The following AKAP13 variants were observed in gnomAD, a reference collection of about 807,000 sequenced individuals.
AKAP13 encodes A-kinase anchor protein 13.
Under a neutral mutation model 264.5 loss-of-function variants are expected in AKAP13, and 80 were observed. That is an observed-to-expected ratio of 0.30 (90% CI 0.25 to 0.36). The LOEUF (loss-of-function observed/expected upper bound fraction) is 0.36. Ranked by LOEUF, AKAP13 falls within the 10% of genes least tolerant of loss-of-function variation. The probability of loss-of-function intolerance (pLI) is 1.00; values close to 1 mark genes in which losing one functional copy is unlikely to be tolerated. For missense variants in AKAP13, 3,712 were observed against 3,435.2 expected, an observed-to-expected ratio of 1.08 and a Z score of -2.01; for synonymous variants, 1,380 against 1,250.2, an observed-to-expected ratio of 1.10 and a Z score of -2.19.
chr15:85,613,693 T>A (rs199852010), intron 8 of AKAP13, among the ~76,000 whole-genome samples: 1,276 of 71,926 alleles, frequency 0.018, 27 homozygotes, highest in South Asian at 0.034. Context: ...AAAAAAAAAA[T>A]ATATATATAT....
chr15:85,671,543 G>A lies in AKAP13; in HGVS notation c.5101+1713G>A, dbSNP rs1011868063. ...TTAATATTTCAAATACAAATCTAGCGTATTTGACAAAAGGTGTCTAACGGA... is the reference window on the plus strand; with the variant it reads ...TTAATATTTCAAATACAAATCTAGCATATTTGACAAAAGGTGTCTAACGGA... On this transcript the variant is annotated intron_variant, in intron 14 of 36. Coordinates refer to ENST00000394518, the MANE Select transcript of AKAP13 (RefSeq NM_007200.5). Among the ~76,000 whole-genome samples, 61 of 151,118 alleles carry A rather than the reference G, an allele frequency of 4.0e-4. 1 individual carries two copies. Among genetic ancestry groups the A allele is most frequent in the Admixed American group, 3.9e-3 (59 of 15,154 alleles).
At chr15:85,723,443 A>C in intron 26 of AKAP13, 123 bp downstream of exon 26, 1 of 1,334,416 alleles carries the variant, frequency 7.5e-7, no homozygotes, top group Non-Finnish European at 1.0e-6. Context: ...AACACTACCC[A>C]GGAGCAACAA....
chr15:85,412,202 C>A lies in AKAP13; in HGVS notation c.-12+31404C>A, dbSNP rs117472965. The stretch of plus-strand genomic sequence containing the variant: ...TACAAAACGGTCATTGATACAGTTT[C>A]AGATTTCACATTGTGACTAACTCTT... On this transcript the variant is annotated intron_variant, in intron 1 of 36. Coordinates refer to ENST00000394518, the MANE Select transcript of AKAP13 (RefSeq NM_007200.5). 2.3e-3 allele frequency among the ~76,000 whole-genome samples: 353 copies of A among 152,306 alleles called. 4 individuals are homozygous for A. The highest frequency in any genetic ancestry group is 4.0e-3 in the Non-Finnish European group (273 of 68,022).
intron 8 of AKAP13, among the ~76,000 whole-genome samples, chr15:85,634,335 C>T (rs1413483359): frequency 6.6e-6 from 1 of 152,134 alleles, no homozygotes; most frequent in Non-Finnish European, 1.5e-5. Context: ...CTAAAGTGAT[C>T]AGAAATATAT....
chr15:85,571,294 A>G (rs370614467), intron 5 of AKAP13, among the ~76,000 whole-genome samples: 2 of 151,252 alleles, frequency 1.3e-5, no homozygotes, highest in East Asian at 3.9e-4. Context: ...TATTTTGCTT[A>G]TTTCACAGGA....
rs1230533665 is a variant in AKAP13, at chr15:85,730,562, G to A, written c.7137G>A (p.Lys2379=). 8 of 1,614,026 alleles carry A rather than the reference G, an allele frequency of 5.0e-6. No individual in the cohort carries two copies. The highest frequency in any genetic ancestry group is 6.8e-6 in the Non-Finnish European group (8 of 1,180,018). ...AAATCCTACTCTTGTTGGAAGAGAA[G>A]GAGATGATTTTCCGGGACATGGCTG... ...DQKILLLLEE[K]EMIFRDMAEC... Residue 2379 remains lysine (K), a synonymous_variant, in exon 30 of 37, where the codon AAG becomes AAA. Transcript: ENST00000394518.
chr15:85,532,781 A>T (rs2077282608), intron 3 of AKAP13, among the ~76,000 whole-genome samples: 1 of 151,956 alleles, frequency 6.6e-6, no homozygotes, highest in Admixed American at 6.6e-5. Flanking sequence ...CTGCAGCCGA[A>T]CTCTTTGGAG....
chr15:85,666,025 C>T (rs1163532656), intron 13 of AKAP13, among the ~76,000 whole-genome samples: 1 of 152,174 alleles, frequency 6.6e-6, no homozygotes, highest in Non-Finnish European at 1.5e-5. Context: ...ATTTATAATC[C>T]TTTGGGTATA....
Position 85,718,301 on chromosome 15 carries a change from A to G in AKAP13, c.6001+142A>G, listed in dbSNP as rs2087073971. 2.0e-6 allele frequency: 2 copies of G among 980,096 alleles called. No individual in the cohort carries two copies. The highest frequency in any genetic ancestry group is 3.0e-6 in the Non-Finnish European group (2 of 674,304). The allele number at this position is 980,096 out of a possible 1,614,324, so 60.7% of individuals were successfully genotyped here. A position where few individuals can be genotyped will look rare whatever the true frequency, so the allele number is the denominator to read the frequency against. On this transcript the variant is annotated intron_variant, in intron 22 of 36. Transcript: ENST00000394518. This position sits in a 1 kb window ranked among gnomAD's most constrained non-coding sequence, Gnocchi z 4.9. ...TTCCTTTAAAAACTTTAAGGTACAG[A>G]GACGTGGTCCTGTTGGTATCCTATC... is the stretch of plus-strand genomic sequence containing the variant.
chr15:85,702,135 A>G (rs1281630787), intron 17 of AKAP13: 1 of 152,082 alleles, frequency 6.6e-6, no homozygotes, highest in African/African-American at 2.4e-5. Flanking sequence ...ATCCCCAGCT[A>G]CTTGGGAGGC....
chr15:85,453,348 C>A (rs1186706176), intron 1 of AKAP13, among the ~76,000 whole-genome samples: 1 of 152,040 alleles, frequency 6.6e-6, no homozygotes, highest in African/African-American at 2.4e-5. Flanking sequence ...GATCAGCCAC[C>A]CACGTAACAG....
At chr15:85,631,483 TTCTCTC>T (rs144246285) in intron 8 of AKAP13, among the ~76,000 whole-genome samples, 53 of 120,362 alleles carry the variant, frequency 4.4e-4, no homozygotes, top group African/African-American at 1.7e-3. Flanking sequence ...CACACACACT[TTCTCTC>T]TCTCTCTCTC....
chr15:85,650,733 G>C (rs552612742), intron 10 of AKAP13, among the ~76,000 whole-genome samples: 4 of 94,560 alleles, frequency 4.2e-5, no homozygotes, highest in Non-Finnish European at 7.9e-5. Context: ...TCCAGCCTGG[G>C]CAACAGAGTG....
chr15:85,520,833 T>C, intron 2 of AKAP13: 1 of 423,494 alleles, frequency 2.4e-6, no homozygotes, highest in Non-Finnish European at 4.6e-6. Flanking sequence ...GCAAACATCA[T>C]AGCATATACT....
intron 1 of AKAP13, among the ~76,000 whole-genome samples, chr15:85,427,517 G>A (rs1216761422): frequency 2.0e-5 from 3 of 152,080 alleles, no homozygotes; most frequent in Non-Finnish European, 4.4e-5. Flanking sequence ...TTGTGTGTGT[G>A]TGCGCACACA....
rs999784824 is a variant in AKAP13, at chr15:85,498,616, C to T, written c.33+12863C>T. 2.2e-4 allele frequency among the ~76,000 whole-genome samples: 26 copies of T among 116,902 alleles called. 1 individual carries two copies. Among genetic ancestry groups the T allele is most frequent in the African/African-American group, 8.3e-4 (26 of 31,396 alleles). The allele number at this position is 116,902 out of a possible 152,430, so 76.7% of individuals were successfully genotyped here. ...TTGAAGCTTGATGCTTACATCACAT[C>T]TACATTTAGAGGTTGTCTTTGGCAC... On this transcript the variant is annotated intron_variant, in intron 2 of 36. Transcript: ENST00000394518.
chr15:85,687,912 C>T (rs2085037816), intron 16 of AKAP13, among the ~76,000 whole-genome samples: 1 of 151,818 alleles, frequency 6.6e-6, no homozygotes, highest in South Asian at 2.1e-4. Context: ...TAGTGGCACA[C>T]ACCTGTAGTC....
intron 20 of AKAP13, among the ~76,000 whole-genome samples, chr15:85,716,238 G>A (rs2086932414): frequency 1.3e-5 from 2 of 152,128 alleles, no homozygotes; most frequent in Non-Finnish European, 1.5e-5. Flanking sequence ...ATAGGAAAAA[G>A]GGTGATTTAA....
chr15:85,471,035 C>T (rs549302214), intron 1 of AKAP13, among the ~76,000 whole-genome samples: 90 of 152,254 alleles, frequency 5.9e-4, no homozygotes, highest in African/African-American at 2.1e-3. Flanking sequence ...TTCATGCTGG[C>T]CTCTTGTTGC....
Sources: gnomAD v4.1 joint callset for allele counts (sites outside exome capture counted in the v4.1 genomes callset) on GRCh38, gnomAD v4.1.1 for gene constraint, Gnocchi (gnomAD v3.1) non-coding constraint, MANE v1.5 for transcripts, NCBI Gene and HGNC (gene_info 2026-07-23, HGNC 2026-07-21) for gene names.